The following SGK1 variants were observed in gnomAD, a reference collection of about 807,000 sequenced individuals.
SGK1 encodes the protein serine/threonine-protein kinase Sgk1.
A neutral mutation model predicts 64.2 loss-of-function variants in SGK1; 26 were observed. That is an observed-to-expected ratio of 0.40 (90% CI 0.30 to 0.56). The LOEUF (loss-of-function observed/expected upper bound fraction) is 0.56. SGK1 is among the 20% of genes least tolerant of loss of function. The probability of loss-of-function intolerance (pLI) is 0.38; values close to 1 mark genes in which losing one functional copy is unlikely to be tolerated. For missense variants in SGK1, 519 were observed against 645.6 expected (o/e 0.80, Z 2.12); for synonymous variants, 265 against 239.7 (o/e 1.11, Z -0.98).
At chr6:134,229,123 G>A (rs913587963) in intron 2 of SGK1, among the ~76,000 whole-genome samples, 1 of 152,186 alleles carries the variant, frequency 6.6e-6, no homozygotes, top group African/African-American at 2.4e-5. Flanking sequence ...GAGCCACCGC[G>A]CCCAGCGCGG....
intron 1 of SGK1, among the ~76,000 whole-genome samples, chr6:134,271,449 A>G (rs896986388): frequency 2.0e-5 from 3 of 147,836 alleles, no homozygotes; most frequent in African/African-American, 7.3e-5. Flanking sequence ...TCTACGGGAC[A>G]GTGTATGTTA....
chr6:134,189,032 A>C (rs1775466652), intron 3 of SGK1, among the ~76,000 whole-genome samples: 1 of 149,272 alleles, frequency 6.7e-6, no homozygotes, highest in African/African-American at 2.5e-5. Context: ...GGTGTGAGCC[A>C]CTCACGCAAC....
At chr6:134,246,629 A>G (rs1358956392) in intron 2 of SGK1, among the ~76,000 whole-genome samples, 1 of 151,830 alleles carries the variant, frequency 6.6e-6, no homozygotes, top group Non-Finnish European at 1.5e-5. Context: ...GTCTTGCTCT[A>G]TACCCCAGGC....
intron 1 of SGK1, among the ~76,000 whole-genome samples, chr6:134,282,236 G>A (rs1777104786): frequency 6.6e-6 from 1 of 152,098 alleles, no homozygotes; most frequent in South Asian, 2.1e-4. Context: ...GAGTGCAGTG[G>A]CATGTGTTCT....
intron 2 of SGK1, among the ~76,000 whole-genome samples, chr6:134,216,150 T>C (rs577800117): frequency 1.3e-5 from 2 of 152,378 alleles, no homozygotes; most frequent in Non-Finnish European, 2.9e-5. Context: ...CTGATGAAGA[T>C]AGAGAACTAA....
intron 1 of SGK1, among the ~76,000 whole-genome samples, chr6:134,295,723 C>T (rs1343195663): frequency 6.7e-6 from 1 of 150,174 alleles, no homozygotes; most frequent in Non-Finnish European, 1.5e-5. Flanking sequence ...AAAAAAAGCC[C>T]TATAGATGGC....
chr6:134,255,617 T>C (rs1447371571), intron 2 of SGK1, among the ~76,000 whole-genome samples: 1 of 147,108 alleles, frequency 6.8e-6, no homozygotes, highest in African/African-American at 2.5e-5. Context: ...GCCTCGCTCT[T>C]GTCACCTAGG....
intron 2 of SGK1, among the ~76,000 whole-genome samples, chr6:134,232,698 A>G (rs1354816704): frequency 6.6e-6 from 1 of 152,088 alleles, no homozygotes; most frequent in Non-Finnish European, 1.5e-5. Flanking sequence ...TAAAAATACA[A>G]AAATTAGCTG....
At chr6:134,220,031 C>A (rs1443330024) in intron 2 of SGK1, among the ~76,000 whole-genome samples, 2 of 107,146 alleles carry the variant, frequency 1.9e-5, no homozygotes, top group African/African-American at 7.2e-5. Flanking sequence ...TGCAGTCCAG[C>A]CTGGGCGACA....
At chr6:134,205,414 T>A (rs1234354651) in intron 3 of SGK1, among the ~76,000 whole-genome samples, 1 of 151,898 alleles carries the variant, frequency 6.6e-6, no homozygotes, top group Non-Finnish European at 1.5e-5. Context: ...GTTTAGACCG[T>A]AAGTCTGGTC....
rs71003671 is a variant in SGK1 at position 134,191,835 on chromosome 6, A to ATTTTTTTTTTTTTT, written c.361+15507_361+15520dup. On this transcript the variant is annotated intron_variant, in intron 3 of 13. Transcript: ENST00000367858. Reference sequence around the variant, plus strand: ...AGGCATGCGCCACCACGCCCGGCTGATTTTTTTTTTTTTTTTTTGAGACAG... The same window carrying ATTTTTTTTTTTTTT: ...AGGCATGCGCCACCACGCCCGGCTGATTTTTTTTTTTTTTTTTTTTTTTTTTTTTTTTGAGACAG... Among the ~76,000 whole-genome samples the ATTTTTTTTTTTTTT allele has an allele frequency of 2.2e-3, 136 of 61,180 alleles. 30 individuals are homozygous for ATTTTTTTTTTTTTT. The highest frequency in any genetic ancestry group is 6.8e-3 in the African/African-American group (101 of 14,856). The allele number at this position is 61,180 out of a possible 152,430, so 40.1% of individuals were successfully genotyped here. A position where few individuals can be genotyped will look rare whatever the true frequency, so the allele number is the denominator to read the frequency against.
At chr6:134,218,127 A>G (rs1473362067) in intron 2 of SGK1, among the ~76,000 whole-genome samples, 2 of 152,208 alleles carry the variant, frequency 1.3e-5, no homozygotes, top group African/African-American at 4.8e-5. Flanking sequence ...GGGGTCTTTT[A>G]TTAATTCCCC....
intron 1 of SGK1, among the ~76,000 whole-genome samples, chr6:134,314,140 T>C (rs1777644161): frequency 6.6e-6 from 1 of 152,124 alleles, no homozygotes; most frequent in Non-Finnish European, 1.5e-5. Context: ...TTAGTTGAGC[T>C]TTTAAAATAT....
At chr6:134,314,842 G>A (rs77116318) in intron 1 of SGK1, among the ~76,000 whole-genome samples, 7,570 of 148,974 alleles carry the variant, frequency 0.051, 252 homozygotes, top group Non-Finnish European at 0.075. Context: ...TGTGGGCTAT[G>A]GACAAAGGTT....
At chr6:134,313,569 T>C (rs1159813988) in intron 1 of SGK1, among the ~76,000 whole-genome samples, 1 of 151,578 alleles carries the variant, frequency 6.6e-6, no homozygotes, top group African/African-American at 2.4e-5. Flanking sequence ...ACACGAGATC[T>C]GGAAGTGAAA....
At chr6:134,271,617 T>G (rs1185398150) in intron 1 of SGK1, among the ~76,000 whole-genome samples, 1 of 147,308 alleles carries the variant, frequency 6.8e-6, no homozygotes, top group Non-Finnish European at 1.5e-5. Context: ...TTTTTTTTGT[T>G]TGTTTATTTT....
chr6:134,179,926 C>T lies in SGK1; in HGVS notation c.362-5340G>A, dbSNP rs1775306018. On this transcript the variant is annotated intron_variant, in intron 3 of 13. Transcript: ENST00000367858. ...AAGAGAAGCCAGTGGGAATACTTGA[C>T]ATGGGAGGAATGAGAAGCTTTTTTT... Among the ~76,000 whole-genome samples the T allele has an allele frequency of 1.3e-5, 2 of 152,016 alleles. 1 individual carries two copies. Among genetic ancestry groups the T allele is most frequent in the African/African-American group, 4.8e-5 (2 of 41,394 alleles).
chr6:134,282,307 A>T (rs1170455998), intron 1 of SGK1, among the ~76,000 whole-genome samples: 2 of 152,178 alleles, frequency 1.3e-5, no homozygotes, highest in East Asian at 3.9e-4. Flanking sequence ...AGAACAGTGA[A>T]GGAGATTGAA....
At chr6:134,179,264 A>C (rs1422239328) in intron 3 of SGK1, among the ~76,000 whole-genome samples, 1 of 152,166 alleles carries the variant, frequency 6.6e-6, no homozygotes, top group African/African-American at 2.4e-5. Context: ...TAATTGTTTC[A>C]TATTGTTCAA....
Sources: gnomAD v4.1 joint callset for allele counts (sites outside exome capture counted in the v4.1 genomes callset) on GRCh38, gnomAD v4.1.1 for gene constraint, MANE v1.5 for transcripts, NCBI Gene and HGNC (gene_info 2026-07-23, HGNC 2026-07-21) for gene names.